Variants in BANK1 observed in about 807,000 individuals in gnomAD.
BANK1 encodes B-cell scaffold protein with ankyrin repeats.
BANK1 carries 95 observed loss-of-function variants against 94.5 expected under a neutral mutation model. The ratio of observed to expected loss-of-function variants is 1.00; its 90% CI spans 0.85 to 1.19. BANK1 has a LOEUF of 1.19. Among genes scored for constraint, BANK1 ranks in the 50% most tolerant of loss-of-function variants. The pLI, the probability that BANK1 is intolerant of heterozygous loss-of-function variation, is 0.00. For missense variants in BANK1, 987 were observed against 932.2 expected (o/e 1.06, Z -0.77); for synonymous variants, 334 against 308.4 (o/e 1.08, Z -0.87).
At chr4:102,043,637 G>A (rs190724012) in intron 10 of BANK1, among the ~76,000 whole-genome samples, 1 of 152,112 alleles carries the variant, frequency 6.6e-6, no homozygotes, top group East Asian at 1.9e-4. Context: ...TCTGCTCAAT[G>A]AAAATGCTTT....
At chr4:101,930,346 C>A (rs890290977) in intron 7 of BANK1, among the ~76,000 whole-genome samples, 4 of 150,966 alleles carry the variant, frequency 2.6e-5, no homozygotes, top group Non-Finnish European at 4.4e-5. Flanking sequence ...AGAATAAATT[C>A]TTTCTAAAAT....
At chr4:101,966,636 C>T (rs1447200243) in intron 7 of BANK1, among the ~76,000 whole-genome samples, 3 of 152,010 alleles carry the variant, frequency 2.0e-5, no homozygotes, top group Non-Finnish European at 4.4e-5. Flanking sequence ...CTTAAATTAT[C>T]GTTGACTATT....
intron 7 of BANK1, among the ~76,000 whole-genome samples, chr4:102,014,880 T>G (rs1460854772): frequency 1.3e-5 from 2 of 152,114 alleles, no homozygotes; most frequent in East Asian, 3.9e-4. Context: ...TTATTCAAGG[T>G]GTTTTATCTG....
At chr4:102,035,698 T>C (rs1335544977) in intron 10 of BANK1, among the ~76,000 whole-genome samples, 2 of 151,786 alleles carry the variant, frequency 1.3e-5, no homozygotes, top group Non-Finnish European at 2.9e-5. Context: ...TATCAAGATA[T>C]ATGTTTCTGA....
chr4:101,848,040 T>C (rs1727323463), intron 2 of BANK1, among the ~76,000 whole-genome samples: 1 of 152,192 alleles, frequency 6.6e-6, no homozygotes, highest in Non-Finnish European at 1.5e-5. Flanking sequence ...GCCTTTCTGC[T>C]ACCTCCTCTA....
intron 7 of BANK1, among the ~76,000 whole-genome samples, chr4:102,013,181 A>G (rs1237200164): frequency 6.6e-6 from 1 of 152,086 alleles, no homozygotes; most frequent in African/African-American, 2.4e-5. Context: ...TAGGTTCTGA[A>G]TGCAGCAATT....
chr4:101,868,894 A>T (rs1170941654), intron 4 of BANK1, among the ~76,000 whole-genome samples: 1 of 151,902 alleles, frequency 6.6e-6, no homozygotes, highest in Admixed American at 6.6e-5. Flanking sequence ...TTTAACAAAT[A>T]TGAGAATGTA....
intron 5 of BANK1, among the ~76,000 whole-genome samples, chr4:101,886,298 T>C (rs1308828982): frequency 1.3e-5 from 2 of 152,144 alleles, no homozygotes; most frequent in Non-Finnish European, 2.9e-5. Flanking sequence ...AGCCCCTTTT[T>C]GAGGAGGCAG....
At chr4:101,979,195 C>T (rs1415911426) in intron 7 of BANK1, among the ~76,000 whole-genome samples, 1 of 151,864 alleles carries the variant, frequency 6.6e-6, no homozygotes, top group Non-Finnish European at 1.5e-5. Context: ...GTTCTATTCT[C>T]TGAAAAGAAT....
intron 1 of BANK1, among the ~76,000 whole-genome samples, chr4:101,791,185 G>T (rs1724971660): frequency 1.4e-5 from 2 of 147,758 alleles, no homozygotes; most frequent in Non-Finnish European, 3.1e-5. Context: ...GTTCTGGCCA[G>T]CGGGCTACCC....
intron 7 of BANK1, among the ~76,000 whole-genome samples, chr4:101,978,803 C>A (rs1725226980): frequency 6.6e-6 from 1 of 151,898 alleles, no homozygotes; most frequent in South Asian, 2.1e-4. Flanking sequence ...GACTTAAATA[C>A]AATATATTCC....
At chr4:102,005,140 A>T (rs369953353) in intron 7 of BANK1, among the ~76,000 whole-genome samples, 3 of 152,046 alleles carry the variant, frequency 2.0e-5, no homozygotes, top group Admixed American at 6.5e-5. Context: ...TAGATGTTCA[A>T]TGGTCTCTGG....
intron 1 of BANK1, among the ~76,000 whole-genome samples, chr4:101,815,729 C>G (rs1244660185): frequency 6.6e-6 from 1 of 151,980 alleles, no homozygotes. Context: ...GCCACCAGAG[C>G]TCTAGACATG....
intron 7 of BANK1, among the ~76,000 whole-genome samples, chr4:102,010,002 C>G (rs561231123): frequency 2.6e-5 from 4 of 152,156 alleles, no homozygotes; most frequent in Admixed American, 6.5e-5. Flanking sequence ...TGCCGTGGCT[C>G]ACGCCTGTAA....
intron 2 of BANK1, among the ~76,000 whole-genome samples, chr4:101,837,618 T>TA (rs1295531845): frequency 1.3e-5 from 2 of 152,200 alleles, no homozygotes; most frequent in Admixed American, 6.5e-5. Flanking sequence ...AGAAGCTTTT[T>TA]ATATATTAAT....
chr4:101,877,967 C>A (rs188067378), intron 5 of BANK1, among the ~76,000 whole-genome samples: 309 of 151,764 alleles, frequency 2.0e-3, no homozygotes, highest in Non-Finnish European at 3.4e-3. Context: ...AAAACAAATA[C>A]AAAACAAGAA....
intron 7 of BANK1, among the ~76,000 whole-genome samples, chr4:101,929,740 T>C (rs1048386231): frequency 2.6e-5 from 4 of 151,534 alleles, no homozygotes; most frequent in African/African-American, 9.7e-5. Context: ...ATTCAGCTAA[T>C]GTTGATAACC....
At position 101,957,844 on chromosome 4, in the gene BANK1, CTT is replaced by C. The variant is rs776142689; in HGVS notation, c.1206+39672_1206+39673del. Among the ~76,000 whole-genome samples the C allele has an allele frequency of 8.2e-3, 714 of 87,574 alleles. 6 individuals are homozygous for C. Among genetic ancestry groups the C allele is most frequent in the East Asian group, 0.068 (257 of 3,792 alleles). The allele number at this position is 87,574 out of a possible 152,430, so 57.5% of individuals were successfully genotyped here. A position where few individuals can be genotyped will look rare whatever the true frequency, so the allele number is the denominator to read the frequency against. Reference sequence around the variant, plus strand: ...TTTGTTTTTTGTTTTTTGTTTTTTGCTTTTTTTTTTTTTTTTTTGAGACGGAG... The same window carrying C: ...TTTGTTTTTTGTTTTTTGTTTTTTGCTTTTTTTTTTTTTTTTGAGACGGAG... On this transcript the variant is annotated intron_variant, in intron 7 of 16. Transcript: ENST00000322953.
intron 6 of BANK1, among the ~76,000 whole-genome samples, chr4:101,904,222 A>G (rs542802670): frequency 5.3e-5 from 8 of 152,314 alleles, no homozygotes; most frequent in African/African-American, 1.9e-4. Flanking sequence ...AGTTTTTTGG[A>G]ATTATAGCAG....
Sources: gnomAD v4.1 joint callset for allele counts (sites outside exome capture counted in the v4.1 genomes callset) on GRCh38, gnomAD v4.1.1 for gene constraint, MANE v1.5 for transcripts, NCBI Gene and HGNC (gene_info 2026-07-23, HGNC 2026-07-21) for gene names.